ZNF804A: variants seen among roughly 807,000 people sequenced by gnomAD.
ZNF804A encodes zinc finger protein 804A.
Under a neutral mutation model 16.5 loss-of-function variants are expected in ZNF804A, and 2 were observed. That is an observed-to-expected ratio of 0.12 (90% CI 0.05 to 0.38). ZNF804A has a LOEUF of 0.38. ZNF804A is among the 10% of genes least tolerant of loss of function. The pLI is 0.99. For synonymous variants in ZNF804A, 534 were observed against 489.6 expected (o/e 1.09, Z -1.20); for missense variants, 1,473 against 1,390.7 (o/e 1.06, Z -0.94).
At chr2:184,886,921 T>C (rs1269384573) in intron 2 of ZNF804A, among the ~76,000 whole-genome samples, 1 of 152,174 alleles carries the variant, frequency 6.6e-6, no homozygotes, top group Non-Finnish European at 1.5e-5. Context: ...TTCCCCATGG[T>C]TTTTGGGATT....
intron 1 of ZNF804A, among the ~76,000 whole-genome samples, chr2:184,668,869 C>A (rs1179027712): frequency 6.6e-6 from 1 of 151,726 alleles, no homozygotes; most frequent in Non-Finnish European, 1.5e-5. Context: ...TAGTATTGCC[C>A]GAGAATTGGT....
chr2:184,938,569 C>G lies in ZNF804A; in HGVS notation c.3173C>G (p.Pro1058Arg), dbSNP rs759414585. 6.2e-7 allele frequency: 1 copy of G among 1,613,968 alleles called. No homozygotes were observed. The highest frequency in any genetic ancestry group is 1.3e-5 in the African/African-American group (1 of 74,898). Reference protein sequence around the residue: ...PCEVYQHILQPNMLANKVKFT... With the variant: ...PCEVYQHILQRNMLANKVKFT... ...GAGGTCTACCAGCACATTCTGCAGC[C>G]AAACATGCTGGCCAACAAGGTTAAA... is the stretch of plus-strand genomic sequence containing the variant. The change falls in exon 4 of 4, where the codon CCA (proline) becomes CGA (arginine). Residue 1058 changes from proline to arginine, a missense_variant. Physicochemically the swap from Pro to Arg is moderately radical, Grantham distance 103. Transcript: ENST00000302277.
At chr2:184,909,256 G>T (rs1312293588) in intron 2 of ZNF804A, among the ~76,000 whole-genome samples, 1 of 152,028 alleles carries the variant, frequency 6.6e-6, no homozygotes, top group Non-Finnish European at 1.5e-5. Flanking sequence ...GATGAGTTCA[G>T]AAGACAAGTT....
At chr2:184,853,304 G>A (rs1378590392) in intron 1 of ZNF804A, among the ~76,000 whole-genome samples, 2 of 151,842 alleles carry the variant, frequency 1.3e-5, no homozygotes, top group South Asian at 2.1e-4. Flanking sequence ...GTGAATTTAT[G>A]TATTAGTTCT....
rs148168499 is a variant in ZNF804A at position 184,938,230 on chromosome 2, T to C, written c.2834T>C (p.Leu945Pro). The C allele has an allele frequency of 1.2e-6, 2 of 1,614,064 alleles. No individual in the cohort carries two copies. The highest frequency in any genetic ancestry group is 4.5e-5 in the East Asian group (2 of 44,838). Residue 945 changes from leucine to proline, a missense_variant, in exon 4 of 4, where the codon CTT becomes CCT. Coordinates refer to ENST00000302277, the MANE Select transcript of ZNF804A (RefSeq NM_194250.2). Reference sequence around the variant, plus strand: ...AAAGAAAGAAGTGAGAATATAAATCTTAATGAAAAGCAAATTCCTTTTCAG... The same window carrying C: ...AAAGAAAGAAGTGAGAATATAAATCCTAATGAAAAGCAAATTCCTTTTCAG... ...EHKERSENIN[L>P]NEKQIPFQVP...
At chr2:184,775,566 A>G (rs1345421591) in intron 1 of ZNF804A, among the ~76,000 whole-genome samples, 1 of 151,684 alleles carries the variant, frequency 6.6e-6, no homozygotes, top group African/African-American at 2.4e-5. Context: ...TCCTGAGCCA[A>G]TTTTGGTAAA....
At chr2:184,659,595 A>G (rs1400030350) in intron 1 of ZNF804A, among the ~76,000 whole-genome samples, 2 of 152,100 alleles carry the variant, frequency 1.3e-5, no homozygotes, top group African/African-American at 4.8e-5. Flanking sequence ...AAAAACCCAC[A>G]AAGTCTCATA....
At chr2:184,659,434 A>C (rs1692131906) in intron 1 of ZNF804A, among the ~76,000 whole-genome samples, 1 of 152,148 alleles carries the variant, frequency 6.6e-6, no homozygotes, top group Admixed American at 6.6e-5. Flanking sequence ...TTAATTAAAA[A>C]TTTCCAAAAC....
At chr2:184,822,094 G>A (rs892479418) in intron 1 of ZNF804A, among the ~76,000 whole-genome samples, 8 of 151,858 alleles carry the variant, frequency 5.3e-5, no homozygotes, top group East Asian at 3.9e-4. Context: ...ATCATACTTC[G>A]GTAAAGACAC....
intron 1 of ZNF804A, among the ~76,000 whole-genome samples, chr2:184,672,914 G>A (rs1424833828): frequency 6.6e-6 from 1 of 151,996 alleles, no homozygotes; most frequent in African/African-American, 2.4e-5. Context: ...GCTAATTTTT[G>A]TATTTTTAGT....
At chr2:184,914,729 A>C (rs918728009) in intron 2 of ZNF804A, among the ~76,000 whole-genome samples, 2 of 152,032 alleles carry the variant, frequency 1.3e-5, no homozygotes, top group Non-Finnish European at 2.9e-5. Flanking sequence ...GAAAAAGATA[A>C]AAAGAATAAA....
At chr2:184,755,194 C>T (rs1243410650) in intron 1 of ZNF804A, among the ~76,000 whole-genome samples, 1 of 151,922 alleles carries the variant, frequency 6.6e-6, no homozygotes, top group African/African-American at 2.4e-5. Flanking sequence ...TATAGTCCTC[C>T]ATTTCCTGGG....
At chr2:184,712,740 A>G (rs1298425518) in intron 1 of ZNF804A, among the ~76,000 whole-genome samples, 1 of 151,444 alleles carries the variant, frequency 6.6e-6, no homozygotes, top group Non-Finnish European at 1.5e-5. Context: ...TGTTTCTCTT[A>G]TAATTTCTAA....
chr2:184,633,560 G>A (rs1691645710), intron 1 of ZNF804A, among the ~76,000 whole-genome samples: 1 of 152,078 alleles, frequency 6.6e-6, no homozygotes, highest in African/African-American at 2.4e-5. Flanking sequence ...AGCTCCAAAT[G>A]TTGATTATTC....
Position 184,655,395 on chromosome 2 carries a change from G to A in ZNF804A, c.111+56325G>A, listed in dbSNP as rs1303665926. ...AACATGGATATCCACTAAAAAGGGA[G>A]CTGTTTACAGCCCAAGATTACAACT... On this transcript the variant is annotated intron_variant, in intron 1 of 3. Transcript: ENST00000302277. Among the ~76,000 whole-genome samples the A allele has an allele frequency of 2.0e-5, 3 of 152,134 alleles. No individual in the cohort carries two copies. The South Asian group carries it at 6.2e-4, about 32-fold the overall frequency.
In ZNF804A at chr2:184,811,959, C is replaced by G. The variant is rs188744636; in HGVS notation, c.112-54410C>G. Among the ~76,000 whole-genome samples, 244 of 152,258 alleles carry G rather than the reference C, an allele frequency of 1.6e-3. 2 individuals are homozygous for G. Among genetic ancestry groups the G allele is most frequent in the African/African-American group, 5.6e-3 (233 of 41,564 alleles). Reference sequence around the variant, plus strand: ...AAGGTGAGAACACAGTCGCCCATCACTCGGGAATCATTCAAACATGGACAA... The same window carrying G: ...AAGGTGAGAACACAGTCGCCCATCAGTCGGGAATCATTCAAACATGGACAA... On this transcript the variant is annotated intron_variant, in intron 1 of 3. Transcript: ENST00000302277.
At chr2:184,924,818 A>T (rs1379533787) in intron 2 of ZNF804A, among the ~76,000 whole-genome samples, 1 of 151,798 alleles carries the variant, frequency 6.6e-6, no homozygotes, top group African/African-American at 2.4e-5. Context: ...TAAGGAGCAT[A>T]TTGTTTCATT....
At chr2:184,608,134 AC>A (rs2105669705) in intron 1 of ZNF804A, among the ~76,000 whole-genome samples, 1 of 150,308 alleles carries the variant, frequency 6.7e-6, no homozygotes, top group South Asian at 2.1e-4. Context: ...TTTAGTAGAG[AC>A]GGGGTTTCAC....
rs574774651 is a variant in ZNF804A, at chr2:184,736,624, T to C, written c.112-129745T>C. ...GGAGGGAACCTAGATGGTGGGTCAA[T>C]AGATGCAGCAAACCACCACGGCACA... On this transcript the variant is annotated intron_variant, in intron 1 of 3. Coordinates refer to ENST00000302277, the MANE Select transcript of ZNF804A (RefSeq NM_194250.2). Among the ~76,000 whole-genome samples the C allele has an allele frequency of 2.0e-5, 3 of 151,956 alleles. No homozygotes were observed. The East Asian group carries it at 5.8e-4, about 29-fold the overall frequency.
Sources: gnomAD v4.1 joint callset for allele counts (sites outside exome capture counted in the v4.1 genomes callset) on GRCh38, gnomAD v4.1.1 for gene constraint, MANE v1.5 for transcripts, NCBI Gene and HGNC (gene_info 2026-07-23, HGNC 2026-07-21) for gene names.